PTPRM: variants seen among roughly 807,000 people sequenced by gnomAD.
The protein encoded by PTPRM is receptor-type tyrosine-protein phosphatase mu.
Under a neutral mutation model 186.7 loss-of-function variants are expected in PTPRM, and 47 were observed. That is an observed-to-expected ratio of 0.25 (90% confidence interval 0.20 to 0.32). PTPRM has a LOEUF of 0.32. PTPRM is among the 10% of genes least tolerant of loss of function. The pLI is 1.00. For synonymous variants in PTPRM, 668 were observed against 674.9 expected, an observed-to-expected ratio of 0.99 and a Z score of 0.16; for missense variants, 1,494 against 1,865.0, an observed-to-expected ratio of 0.80 and a Z score of 3.66.
At chr18:7,618,726 C>T (rs891194199) in intron 1 of PTPRM, among the ~76,000 whole-genome samples, 12 of 152,224 alleles carry the variant, frequency 7.9e-5, no homozygotes, top group Non-Finnish European at 1.0e-4. Flanking sequence ...ATTTAAGATG[C>T]GTGCTATACA....
At chr18:7,919,372 A>T (rs2050736680) in intron 4 of PTPRM, among the ~76,000 whole-genome samples, 1 of 152,128 alleles carries the variant, frequency 6.6e-6, no homozygotes, top group African/African-American at 2.4e-5. Context: ...TTGAATTTGT[A>T]ATTTTTGAGT....
At chr18:8,132,326 C>T (rs907093134) in intron 13 of PTPRM, among the ~76,000 whole-genome samples, 4 of 152,148 alleles carry the variant, frequency 2.6e-5, no homozygotes, top group African/African-American at 7.2e-5. Context: ...AATGCACACA[C>T]GTGCACATAG....
intron 2 of PTPRM, among the ~76,000 whole-genome samples, chr18:7,874,571 A>G (rs916527794): frequency 2.0e-5 from 3 of 152,088 alleles, no homozygotes; most frequent in Admixed American, 6.5e-5. Context: ...AGAGAGAGAA[A>G]CACCTCTTTA....
At chr18:8,072,586 T>C (rs2089552450) in intron 8 of PTPRM, among the ~76,000 whole-genome samples, 1 of 152,120 alleles carries the variant, frequency 6.6e-6, no homozygotes. Flanking sequence ...CAGTATCCAG[T>C]TTGAAGAGAA....
intron 14 of PTPRM, among the ~76,000 whole-genome samples, chr18:8,243,052 A>G (rs1371532788): frequency 6.6e-6 from 1 of 152,176 alleles, no homozygotes; most frequent in Non-Finnish European, 1.5e-5. Context: ...AGGCATCTCT[A>G]ATTCTCATCT....
At chr18:7,959,553 G>A (rs1048430309) in intron 7 of PTPRM, among the ~76,000 whole-genome samples, 1 of 152,104 alleles carries the variant, frequency 6.6e-6, no homozygotes, top group Non-Finnish European at 1.5e-5. Context: ...TTACCTGGTT[G>A]GATTTCTGCA....
chr18:8,244,221 T>C lies in PTPRM; in HGVS notation c.2452+12T>C. 6.5e-7 allele frequency: 1 copy of C among 1,535,640 alleles called. No individual in the cohort carries two copies. Among genetic ancestry groups the C allele is most frequent in the Non-Finnish European group, 8.7e-7 (1 of 1,148,374 alleles). Reference sequence around the variant, plus strand: ...TCTGAATGGGAGATGTAAGTGCATATGTTTCTTGGCTTCTAACACATCTCC... The same window carrying C: ...TCTGAATGGGAGATGTAAGTGCATACGTTTCTTGGCTTCTAACACATCTCC... On this transcript the variant is annotated intron_variant, in intron 15 of 32. Transcript: ENST00000580170.
chr18:8,124,282 G>T (rs894086268), intron 13 of PTPRM, among the ~76,000 whole-genome samples: 3 of 152,092 alleles, frequency 2.0e-5, no homozygotes, highest in African/African-American at 7.2e-5. Context: ...TTTAATGATG[G>T]TTAGTCTTAC....
At chr18:8,322,709 T>G (rs1568744951) in intron 22 of PTPRM, among the ~76,000 whole-genome samples, 1 of 152,282 alleles carries the variant, frequency 6.6e-6, no homozygotes, top group East Asian at 1.9e-4. Flanking sequence ...CCTTGGAGAT[T>G]ATGTGGCCTG....
intron 1 of PTPRM, among the ~76,000 whole-genome samples, chr18:7,644,415 A>G (rs1263348879): frequency 2.0e-5 from 3 of 152,184 alleles, no homozygotes; most frequent in Non-Finnish European, 4.4e-5. Flanking sequence ...TGCTAAACAC[A>G]GTAGAATTGT....
chr18:8,208,452 A>G (rs1268714934), intron 14 of PTPRM, among the ~76,000 whole-genome samples: 2 of 152,162 alleles, frequency 1.3e-5, no homozygotes, highest in African/African-American at 4.8e-5. Flanking sequence ...GGAGAAAAAT[A>G]AAGCTGGGAA....
intron 14 of PTPRM, among the ~76,000 whole-genome samples, chr18:8,191,452 A>G (rs1389371052): frequency 6.6e-6 from 1 of 152,180 alleles, no homozygotes; most frequent in Non-Finnish European, 1.5e-5. Context: ...GATGCCAGCT[A>G]ATAAATGTGG....
intron 4 of PTPRM, among the ~76,000 whole-genome samples, chr18:7,916,522 G>C (rs1013055353): frequency 3.3e-5 from 5 of 152,116 alleles, no homozygotes; most frequent in African/African-American, 1.2e-4. Flanking sequence ...GTCAGGTTAT[G>C]GTGAGGACCC....
At chr18:7,917,002 TATGATCTCTCTTAC>T (rs2050598144) in intron 4 of PTPRM, among the ~76,000 whole-genome samples, 2 of 152,204 alleles carry the variant, frequency 1.3e-5, no homozygotes, top group South Asian at 4.1e-4. Context: ...AGATCAACTT[TATGATCTCTCTTAC>T]ATGAGTGAGA....
At chr18:7,620,064 A>G (rs1161837791) in intron 1 of PTPRM, among the ~76,000 whole-genome samples, 2 of 152,100 alleles carry the variant, frequency 1.3e-5, no homozygotes, top group East Asian at 1.9e-4. Flanking sequence ...GATGCATACA[A>G]CCTATAAAGT....
chr18:8,038,752 A>C (rs574773107), intron 7 of PTPRM, among the ~76,000 whole-genome samples: 1 of 152,252 alleles, frequency 6.6e-6, no homozygotes, highest in East Asian at 1.9e-4. Flanking sequence ...CACAGTGTTC[A>C]TAGTATTTCC....
At chr18:7,584,535 C>T (rs764184770) in intron 1 of PTPRM, among the ~76,000 whole-genome samples, 2 of 151,776 alleles carry the variant, frequency 1.3e-5, no homozygotes, top group Admixed American at 6.6e-5. Context: ...AAAATAAAGA[C>T]GAAGATCAGT....
intron 2 of PTPRM, among the ~76,000 whole-genome samples, chr18:7,861,868 G>A (rs138955722): frequency 6.6e-6 from 1 of 152,214 alleles, no homozygotes; most frequent in African/African-American, 2.4e-5. Context: ...ACCCTGCAAA[G>A]TAGACATGGA....
At chr18:7,812,059 A>G (rs1449307636) in intron 2 of PTPRM, among the ~76,000 whole-genome samples, 1 of 152,226 alleles carries the variant, frequency 6.6e-6, no homozygotes, top group Non-Finnish European at 1.5e-5. Flanking sequence ...TAATCAAGAA[A>G]AAATGAATTA....
Sources: gnomAD v4.1 joint callset for allele counts (sites outside exome capture counted in the v4.1 genomes callset) on GRCh38, gnomAD v4.1.1 for gene constraint, MANE v1.5 for transcripts, NCBI Gene and HGNC (gene_info 2026-07-23, HGNC 2026-07-21) for gene names.